The following PDXDC1 variants were observed in gnomAD, a reference collection of about 807,000 sequenced individuals.
PDXDC1 encodes pyridoxal-dependent decarboxylase domain-containing protein 1.
A neutral mutation model predicts 100.1 loss-of-function variants in PDXDC1; 42 were observed. The observed-to-expected ratio is 0.42, with a 90% CI of 0.33 to 0.54. The LOEUF is 0.54. Ranked by LOEUF, PDXDC1 falls within the 20% of genes least tolerant of loss-of-function variation. The probability of loss-of-function intolerance (pLI) is 0.10; values close to 1 mark genes in which losing one functional copy is unlikely to be tolerated. For synonymous variants in PDXDC1, 260 were observed against 371.7 expected, an observed-to-expected ratio of 0.70 and a Z score of 3.46; for missense variants, 636 against 979.2, an observed-to-expected ratio of 0.65 and a Z score of 4.68.
chr16:14,998,750 C>T (rs549450840), intron 3 of PDXDC1, among the ~76,000 whole-genome samples: 35 of 152,390 alleles, frequency 2.3e-4, no homozygotes, highest in East Asian at 5.8e-4. Context: ...CCACTGTGCC[C>T]GGCCTACATT....
chr16:15,061,637 C>A (rs918862941), intron 16 of PDXDC1: 4 of 1,032,320 alleles, frequency 3.9e-6, no homozygotes, highest in Non-Finnish European at 5.6e-6. Context: ...GGCAGGCACT[C>A]GCTCTAGTTC....
chr16:15,064,210 C>G (rs751241312), intron 16 of PDXDC1, among the ~76,000 whole-genome samples: 2 of 151,890 alleles, frequency 1.3e-5, no homozygotes, highest in African/African-American at 4.8e-5. Flanking sequence ...GAGTCTCACT[C>G]TCTCGCCCAG....
chr16:14,989,932 G>A (rs1398463862), intron 1 of PDXDC1: 10 of 1,485,246 alleles, frequency 6.7e-6, no homozygotes, highest in Middle Eastern at 2.4e-4. Context: ...CCGCGCTCCC[G>A]CAGGCCGCGC....
intron 16 of PDXDC1, among the ~76,000 whole-genome samples, chr16:15,077,330 G>C (rs930594912): frequency 2.0e-5 from 3 of 152,118 alleles, no homozygotes; most frequent in East Asian, 1.9e-4. Context: ...ATGTTGCTGG[G>C]GGGGGACTGG....
chr16:15,103,523 A>T (rs865882677), intron 16 of PDXDC1, among the ~76,000 whole-genome samples: 53 of 151,262 alleles, frequency 3.5e-4, no homozygotes, highest in East Asian at 5.9e-4. Context: ...TTATTTTTTG[A>T]GTCAGAGTCT....
chr16:14,980,851 T>C (rs1485275011), intron 1 of PDXDC1, among the ~76,000 whole-genome samples: 6 of 152,280 alleles, frequency 3.9e-5, no homozygotes, highest in African/African-American at 1.4e-4. Flanking sequence ...CTGCCCACCT[T>C]GGCCTCCCAA....
intron 1 of PDXDC1, among the ~76,000 whole-genome samples, chr16:14,986,184 C>T (rs1177479834): frequency 2.0e-5 from 3 of 152,210 alleles, no homozygotes; most frequent in African/African-American, 7.2e-5. Context: ...ATTAAAGTCT[C>T]AGTTCTGGCT....
chr16:15,142,983 G>C (rs2048498073), downstream of PDXDC1, among the ~76,000 whole-genome samples: 1 of 152,186 alleles, frequency 6.6e-6, no homozygotes, highest in Admixed American at 6.5e-5. Context: ...CCTGCTATAA[G>C]CTGGAAGGGT....
chr16:15,019,396 C>G (rs547882865), intron 12 of PDXDC1, among the ~76,000 whole-genome samples: 1 of 152,388 alleles, frequency 6.6e-6, no homozygotes, highest in East Asian at 1.9e-4. Context: ...TTGCAGGGCT[C>G]TTGGGGACAA....
intron 16 of PDXDC1, chr16:15,135,878 C>T (rs1447114130): frequency 3.2e-6 from 5 of 1,564,848 alleles, no homozygotes; most frequent in Non-Finnish European, 3.5e-6. Context: ...AAACACAAAG[C>T]AGTAGTGCCC....
chr16:15,004,741 A>G (rs1973899891), intron 5 of PDXDC1, among the ~76,000 whole-genome samples: 1 of 152,256 alleles, frequency 6.6e-6, no homozygotes, highest in African/African-American at 2.4e-5. Flanking sequence ...CTATGGATAA[A>G]AAAATTCATG....
intron 8 of PDXDC1, among the ~76,000 whole-genome samples, chr16:15,011,062 A>G (rs1719003441): frequency 6.6e-6 from 1 of 152,300 alleles, no homozygotes; most frequent in Non-Finnish European, 1.5e-5. Context: ...CAATTTCTTA[A>G]TAGAACTTGA....
At chr16:15,061,735 T>C (rs1191996379) in intron 16 of PDXDC1, 14 of 1,601,998 alleles carry the variant, frequency 8.7e-6, no homozygotes, top group Middle Eastern at 3.4e-4. Flanking sequence ...CAGTCACAAA[T>C]TTCTGCCGTC....
intron 16 of PDXDC1, among the ~76,000 whole-genome samples, chr16:15,098,322 T>A (rs1004794228): frequency 1.3e-5 from 2 of 150,718 alleles, no homozygotes; most frequent in Non-Finnish European, 3.0e-5. Flanking sequence ...TGCCTCAGCC[T>A]CCTGAGTAGC....
chr16:15,054,138 C>T (rs1212399682), intron 16 of PDXDC1, among the ~76,000 whole-genome samples: 1 of 152,198 alleles, frequency 6.6e-6, no homozygotes, highest in East Asian at 1.9e-4. Flanking sequence ...CCGCCGCGCC[C>T]CAGGCGGCTT....
intron 6 of PDXDC1, among the ~76,000 whole-genome samples, chr16:15,008,293 G>A (rs1182236465): frequency 6.6e-6 from 1 of 152,280 alleles, no homozygotes; most frequent in East Asian, 1.9e-4. Context: ...ACTGTCTCCT[G>A]CATAACACTG....
intron 16 of PDXDC1, among the ~76,000 whole-genome samples, chr16:15,090,096 G>C (rs1404999502): frequency 6.6e-6 from 1 of 151,918 alleles, no homozygotes; most frequent in African/African-American, 2.4e-5. Flanking sequence ...TGTAATCTCA[G>C]CTATTTGGGA....
chr16:15,024,886 TTTG>T (rs2042472961), intron 13 of PDXDC1, among the ~76,000 whole-genome samples: 2 of 152,112 alleles, frequency 1.3e-5, no homozygotes, highest in South Asian at 4.1e-4. Flanking sequence ...ATCAAATCTG[TTTG>T]TTTTTTCCTA....
chr16:15,035,699 G>A lies in PDXDC1; in HGVS notation c.2107+146G>A. The A allele has an allele frequency of 1.2e-5, 7 of 600,054 alleles. No homozygotes were observed. The South Asian group carries it at 1.3e-4, about 11-fold the overall frequency. 37.2% of individuals were successfully genotyped at this position (600,054 alleles called of 1,614,324 possible). On this transcript the variant is annotated intron_variant, in intron 22 of 22. Transcript: ENST00000396410. ...TCTCTTTAACCATCTTGGTAGCCGT[G>A]GGATTCAGCCTTGAAGAAATCCCAC...
Sources: allele counts gnomAD v4.1 joint callset (sites outside exome capture counted in the v4.1 genomes callset), GRCh38; gene constraint gnomAD v4.1.1; transcripts MANE v1.5; gene names NCBI Gene and HGNC (gene_info 2026-07-23, HGNC 2026-07-21).